Variants in TMTC2 observed in about 807,000 individuals in gnomAD.
TMTC2 encodes the protein transmembrane O-mannosyltransferase targeting cadherins 2, also known as protein O-mannosyl-transferase TMTC2.
A neutral mutation model predicts 82.4 loss-of-function variants in TMTC2; 43 were observed. The observed-to-expected ratio is 0.52, with a 90% confidence interval of 0.41 to 0.67. TMTC2 has a LOEUF of 0.67. Among genes scored for constraint, TMTC2 ranks in the 30% least tolerant of loss-of-function variants. The pLI is 0.00. For synonymous variants in TMTC2, 408 were observed against 381.9 expected (o/e 1.07, Z -0.80); for missense variants, 919 against 1,012.4 (o/e 0.91, Z 1.25).
chr12:83,082,805 G>A (rs1883518214), intron 11 of TMTC2, among the ~76,000 whole-genome samples: 1 of 152,204 alleles, frequency 6.6e-6, no homozygotes, highest in South Asian at 2.1e-4. Context: ...GAGCACATAG[G>A]ATTTGTCTGT....
intron 9 of TMTC2, among the ~76,000 whole-genome samples, chr12:83,049,405 A>G (rs906073557): frequency 1.3e-5 from 2 of 152,110 alleles, no homozygotes; most frequent in African/African-American, 2.4e-5. Context: ...AAGTGAGAAC[A>G]TGGTGGTGTT....
chr12:82,711,451 A>G (rs181858838), intron 1 of TMTC2, among the ~76,000 whole-genome samples: 253 of 152,054 alleles, frequency 1.7e-3, no homozygotes, highest in Non-Finnish European at 3.1e-3. Context: ...AAAAAAAACG[A>G]AAAAGGGCAA....
Position 82,780,048 on chromosome 12 carries a change from A to C in TMTC2, c.84-76962A>C, listed in dbSNP as rs894673679. ...GTATTTTTTGTACCATTTACTTGTA[A>C]ATATTTAATTACAGGAAAGATTATA... On this transcript the variant is annotated intron_variant, in intron 1 of 11. Transcript: ENST00000321196. Among the ~76,000 whole-genome samples, 10 of 152,278 alleles carry C rather than the reference A, an allele frequency of 6.6e-5. No homozygotes were observed. The East Asian group carries it at 1.5e-3, about 23-fold the overall frequency.
At chr12:82,913,799 G>A (rs549660339) in intron 3 of TMTC2, among the ~76,000 whole-genome samples, 5 of 152,076 alleles carry the variant, frequency 3.3e-5, no homozygotes, top group South Asian at 4.2e-4. Flanking sequence ...CTCAAGTACC[G>A]TTGTCCCTTG....
intron 9 of TMTC2, among the ~76,000 whole-genome samples, chr12:83,049,273 G>C (rs1028306302): frequency 2.0e-5 from 3 of 152,122 alleles, no homozygotes; most frequent in Non-Finnish European, 4.4e-5. Context: ...CTAGTAATAA[G>C]TATAGTACCC....
At chr12:83,077,151 A>G (rs1178759400) in intron 11 of TMTC2, among the ~76,000 whole-genome samples, 2 of 152,192 alleles carry the variant, frequency 1.3e-5, no homozygotes, top group African/African-American at 4.8e-5. Context: ...TACCCCAAAT[A>G]TGGTATCTTG....
chr12:82,691,803 A>G (rs1251830875), intron 1 of TMTC2, among the ~76,000 whole-genome samples: 1 of 152,156 alleles, frequency 6.6e-6, no homozygotes, highest in East Asian at 1.9e-4. Context: ...AAGAATTACT[A>G]TATAATTAAG....
intron 1 of TMTC2, among the ~76,000 whole-genome samples, chr12:82,699,880 C>A (rs1872990178): frequency 1.3e-5 from 2 of 151,966 alleles, no homozygotes; most frequent in African/African-American, 2.4e-5. Context: ...CATGGAATGA[C>A]AATATTTGAA....
chr12:83,120,337 T>C (rs532841562), intron 11 of TMTC2, among the ~76,000 whole-genome samples: 1 of 152,356 alleles, frequency 6.6e-6, no homozygotes, highest in Non-Finnish European at 1.5e-5. Flanking sequence ...GTTCTTGTAC[T>C]GGTGGCTTGG....
chr12:83,050,218 A>G (rs867821217), intron 9 of TMTC2, among the ~76,000 whole-genome samples: 81 of 152,242 alleles, frequency 5.3e-4, no homozygotes, highest in Middle Eastern at 6.8e-3. Context: ...TTACTGTTCA[A>G]TCTCAATTAA....
chr12:83,129,681 A>AT lies in TMTC2; in HGVS notation c.2332-2527dup, dbSNP rs552633918. ...CAGTTCAGAAATCCTCAGTTTGTAGATTCAGTGGTTGTTCAGGCACACTAA... is the reference window on the plus strand; with the variant it reads ...CAGTTCAGAAATCCTCAGTTTGTAGATTTCAGTGGTTGTTCAGGCACACTAA... On this transcript the variant is annotated intron_variant, in intron 11 of 11. Coordinates refer to ENST00000321196, the MANE Select transcript of TMTC2 (RefSeq NM_152588.3). Among the ~76,000 whole-genome samples the AT allele has an allele frequency of 2.3e-4, 35 of 152,326 alleles. No individual in the cohort carries two copies. The South Asian group carries it at 7.2e-3, about 32-fold the overall frequency.
At chr12:82,738,116 A>G (rs895727102) in intron 1 of TMTC2, among the ~76,000 whole-genome samples, 21 of 152,218 alleles carry the variant, frequency 1.4e-4, no homozygotes, top group African/African-American at 5.1e-4. Context: ...ACAAGATAGT[A>G]TAAGTCCTTT....
chr12:82,904,371 G>T (rs758259689), intron 3 of TMTC2, among the ~76,000 whole-genome samples: 9 of 152,116 alleles, frequency 5.9e-5, no homozygotes, highest in Non-Finnish European at 8.8e-5. Flanking sequence ...CTTCAGTAAT[G>T]GGTCCTGTAG....
chr12:82,715,140 G>A (rs1415408773), intron 1 of TMTC2, among the ~76,000 whole-genome samples: 1 of 151,942 alleles, frequency 6.6e-6, no homozygotes, highest in Admixed American at 6.6e-5. Context: ...GCATGGTGGC[G>A]GGTGCCTGTA....
At chr12:83,127,635 T>G (rs1013178796) in intron 11 of TMTC2, among the ~76,000 whole-genome samples, 1 of 152,134 alleles carries the variant, frequency 6.6e-6, no homozygotes, top group East Asian at 1.9e-4. Context: ...CTATTCCTTT[T>G]CTGTTATTTT....
At chr12:82,725,149 C>A (rs1422696571) in intron 1 of TMTC2, among the ~76,000 whole-genome samples, 2 of 150,858 alleles carry the variant, frequency 1.3e-5, no homozygotes, top group Admixed American at 6.6e-5. Flanking sequence ...AAAAAAAAAA[C>A]AAAAAAACTA....
chr12:82,922,948 C>T (rs753070670), intron 3 of TMTC2, among the ~76,000 whole-genome samples: 19 of 152,292 alleles, frequency 1.2e-4, no homozygotes, highest in Non-Finnish European at 2.4e-4. Flanking sequence ...AACACTAAGA[C>T]ACTTGAATTT....
chr12:82,997,221 C>CTCTCTATATATATA (rs1451262969), intron 8 of TMTC2, among the ~76,000 whole-genome samples: 3 of 118,548 alleles, frequency 2.5e-5, no homozygotes, highest in African/African-American at 1.1e-4. Flanking sequence ...CTCTCTCTCT[C>CTCTCTATATATATA]TATATATATA....
At chr12:82,958,228 G>T (rs1211152474) in intron 4 of TMTC2, among the ~76,000 whole-genome samples, 1 of 151,760 alleles carries the variant, frequency 6.6e-6, no homozygotes, top group Non-Finnish European at 1.5e-5. Flanking sequence ...CCCAGGTGTG[G>T]TAGCGCACAC....
Sources: allele counts gnomAD v4.1 joint callset (sites outside exome capture counted in the v4.1 genomes callset), GRCh38; gene constraint gnomAD v4.1.1; transcripts MANE v1.5; gene names NCBI Gene and HGNC (gene_info 2026-07-23, HGNC 2026-07-21).